MYO6: variants seen among roughly 807,000 people sequenced by gnomAD.
MYO6 encodes the protein myosin VI, also known as unconventional myosin-VI.
A neutral mutation model predicts 178.7 loss-of-function variants in MYO6; 74 were observed. The ratio of observed to expected loss-of-function variants is 0.41; its 90% CI spans 0.34 to 0.50. The LOEUF (loss-of-function observed/expected upper bound fraction) is 0.50, where lower values mean the gene tolerates loss of function less well. MYO6 is among the 20% of genes least tolerant of loss of function. The pLI is 0.09. For synonymous variants in MYO6, 477 were observed against 504.6 expected (o/e 0.95, Z 0.73); for missense variants, 1,330 against 1,547.4 (o/e 0.86, Z 2.36).
rs1781254354 is a variant in MYO6, at chr6:75,918,560, A to G, written c.*3548A>G. ...TAGCACATAGGAATGGCACTGCCAT[A>G]CTGGAGAAGGTCAGCAGTAAATAGG... On this transcript the variant is annotated 3_prime_UTR_variant, in exon 35 of 35. Coordinates refer to ENST00000369977, the MANE Select transcript of MYO6 (RefSeq NM_004999.4). The G allele has an allele frequency of 6.6e-6, 1 of 152,238 alleles. No individual in the cohort carries two copies. Among genetic ancestry groups the G allele is most frequent in the Admixed American group, 6.5e-5 (1 of 15,286 alleles). 9.4% of individuals were successfully genotyped at this position (152,238 alleles called of 1,614,324 possible).
intron 6 of MYO6, among the ~76,000 whole-genome samples, chr6:75,834,457 T>G (rs988136777): frequency 6.6e-6 from 1 of 152,170 alleles, no homozygotes; most frequent in Non-Finnish European, 1.5e-5. Flanking sequence ...GGTGTCCAGC[T>G]CCTGGACTCA....
At chr6:75,764,443 C>A (rs970248576) in intron 1 of MYO6, among the ~76,000 whole-genome samples, 1 of 152,114 alleles carries the variant, frequency 6.6e-6, no homozygotes, top group African/African-American at 2.4e-5. Flanking sequence ...TGAATTAAAT[C>A]TTTGAAAGTA....
rs1393910084 is a variant in MYO6 at position 75,919,284 on chromosome 6, T to G, written c.*4272T>G. On this transcript the variant is annotated 3_prime_UTR_variant, in exon 35 of 35. Transcript: ENST00000369977. ...AACCTTTTCTCAGCCTCCCACTTTC[T>G]GGAGTCTCCAATGTCGGTTATTCCA... The G allele has an allele frequency of 3.3e-5, 5 of 152,208 alleles. No individual in the cohort carries two copies. The highest frequency in any genetic ancestry group is 7.3e-5 in the Non-Finnish European group (5 of 68,050). The allele number at this position is 152,208 out of a possible 1,614,324, so 9.4% of individuals were successfully genotyped here.
chr6:75,828,523 T>C lies in MYO6; in HGVS notation c.188-17T>C. 1 of 1,417,572 alleles carries C rather than the reference T, an allele frequency of 7.1e-7. No homozygotes were observed. Among genetic ancestry groups the C allele is most frequent in the Non-Finnish European group, 1.0e-6 (1 of 1,002,168 alleles). 87.8% of individuals were successfully genotyped at this position (1,417,572 alleles called of 1,614,324 possible). ...TTTTCTTCAATTCTCTAATGACATA[T>C]AAATTTTATGTCTTAGGTTCACTAA... is the stretch of plus-strand genomic sequence containing the variant. On this transcript the variant is annotated splice_polypyrimidine_tract_variant and intron_variant, in intron 3 of 34. Transcript: ENST00000369977.
At chr6:75,778,751 T>C (rs1248425741) in intron 1 of MYO6, among the ~76,000 whole-genome samples, 1 of 151,044 alleles carries the variant, frequency 6.6e-6, no homozygotes, top group Admixed American at 6.6e-5. Context: ...TTTTCTTTTT[T>C]TAAATACTTA....
intron 16 of MYO6, 109 bp downstream of exon 16, chr6:75,862,832 T>A (rs773420952): frequency 5.5e-5 from 70 of 1,271,890 alleles, no homozygotes; most frequent in Non-Finnish European, 8.0e-5. Context: ...TTATGGCGTG[T>A]ATAGAGCAAC....
At chr6:75,782,303 G>A (rs1175015015) in intron 1 of MYO6, among the ~76,000 whole-genome samples, 1 of 151,862 alleles carries the variant, frequency 6.6e-6, no homozygotes, top group East Asian at 1.9e-4. Flanking sequence ...ATTTATCTTG[G>A]TTTCTTATAC....
At chr6:75,752,483 C>A (rs1329997123) in intron 1 of MYO6, among the ~76,000 whole-genome samples, 4 of 152,212 alleles carry the variant, frequency 2.6e-5, no homozygotes, top group African/African-American at 9.6e-5. Flanking sequence ...GAATTAAATG[C>A]TTGCTCCAGA....
intron 30 of MYO6, among the ~76,000 whole-genome samples, chr6:75,903,843 C>G (rs1780032298): frequency 6.6e-6 from 1 of 151,820 alleles, no homozygotes; most frequent in South Asian, 2.1e-4. Context: ...TACATTTTGG[C>G]ATGATTTTGC....
At chr6:75,787,712 C>A (rs1583073918) in intron 1 of MYO6, among the ~76,000 whole-genome samples, 1 of 66,990 alleles carries the variant, frequency 1.5e-5, no homozygotes, top group Non-Finnish European at 2.9e-5. Context: ...CTCTCTCTCT[C>A]TCTCTCTCTC....
At chr6:75,780,993 A>G (rs2150051470) in intron 1 of MYO6, among the ~76,000 whole-genome samples, 1 of 152,030 alleles carries the variant, frequency 6.6e-6, no homozygotes, top group Admixed American at 6.6e-5. Flanking sequence ...TTGTATTTTT[A>G]GTAGACACAG....
chr6:75,903,298 G>A (rs1295789558), intron 30 of MYO6, among the ~76,000 whole-genome samples: 11 of 152,172 alleles, frequency 7.2e-5, no homozygotes, highest in Non-Finnish European at 1.0e-4. Context: ...TTTCCGTCTC[G>A]TTGATCTGTC....
chr6:75,754,519 CAAAAAAAAA>C (rs58162315), intron 1 of MYO6, among the ~76,000 whole-genome samples: 5 of 44,180 alleles, frequency 1.1e-4, no homozygotes, highest in Non-Finnish European at 1.3e-4. Context: ...GACTCCGTCT[CAAAAAAAAA>C]AAAAAAAAAA....
intron 24 of MYO6, 148 bp downstream of exon 24, chr6:75,886,242 T>C: frequency 1.6e-6 from 1 of 629,632 alleles, no homozygotes; most frequent in Non-Finnish European, 2.8e-6. Flanking sequence ...ATTTGTAATA[T>C]TTATTTGAAG....
At chr6:75,753,455 G>GTGTGTGTATATATA (rs370647728) in intron 1 of MYO6, among the ~76,000 whole-genome samples, 2 of 140,058 alleles carry the variant, frequency 1.4e-5, no homozygotes, top group African/African-American at 5.4e-5. Flanking sequence ...GTGTGTGTGT[G>GTGTGTGTATATATA]TATATATATA....
chr6:75,831,570 T>C (rs1255778670), intron 5 of MYO6, among the ~76,000 whole-genome samples: 3 of 152,182 alleles, frequency 2.0e-5, no homozygotes, highest in Non-Finnish European at 4.4e-5. Context: ...TTTAGCTTTT[T>C]ACTGCGAAAA....
chr6:75,860,899 T>G (rs1031580489), intron 14 of MYO6, 124 bp from the exon 15 acceptor site: 4 of 763,116 alleles, frequency 5.2e-6, no homozygotes, highest in Non-Finnish European at 9.0e-6. Flanking sequence ...GAAAACCATT[T>G]AAGGCTATAC....
chr6:75,805,705 A>C (rs2150131246), intron 1 of MYO6, among the ~76,000 whole-genome samples: 1 of 152,320 alleles, frequency 6.6e-6, no homozygotes, highest in African/African-American at 2.4e-5. Context: ...AAGTAAGATA[A>C]TTTTCAGTTG....
chr6:75,873,394 G>C, intron 20 of MYO6, 94 bp downstream of exon 20: 1 of 1,024,900 alleles, frequency 9.8e-7, no homozygotes, highest in Non-Finnish European at 1.5e-6. Flanking sequence ...CCATTATCTT[G>C]ATTATTTTAC....
Sources: gnomAD v4.1 joint callset for allele counts (sites outside exome capture counted in the v4.1 genomes callset) on GRCh38, gnomAD v4.1.1 for gene constraint, MANE v1.5 for transcripts, NCBI Gene and HGNC (gene_info 2026-07-23, HGNC 2026-07-21) for gene names.